The following TRNT1 variants were observed in gnomAD, a reference collection of about 807,000 sequenced individuals.
TRNT1 encodes CCA tRNA nucleotidyltransferase 1, mitochondrial.
TRNT1 carries 44 observed loss-of-function variants against 45.6 expected under a neutral mutation model. That is an observed-to-expected ratio of 0.97 (90% CI 0.76 to 1.24). The LOEUF (loss-of-function observed/expected upper bound fraction) is 1.24. TRNT1 is among the 50% of genes most tolerant of loss of function. The probability of loss-of-function intolerance (pLI) is 0.00; values close to 1 mark genes in which losing one functional copy is unlikely to be tolerated. For missense variants in TRNT1, 633 were observed against 504.4 expected (o/e 1.25, Z -2.44); for synonymous variants, 201 against 171.4 (o/e 1.17, Z -1.35).
At chr3:3,145,853 GAATT>G (rs1165358085) in intron 5 of TRNT1, among the ~76,000 whole-genome samples, 1 of 151,916 alleles carries the variant, frequency 6.6e-6, no homozygotes, top group African/African-American at 2.4e-5. Flanking sequence ...GACCGCTGAT[GAATT>G]CATTAGAATT....
downstream of TRNT1, chr3:3,150,596 A>AGAC: frequency 2.7e-6 from 1 of 371,434 alleles, no homozygotes; most frequent in Non-Finnish European, 5.1e-6. Flanking sequence ...ACATGCTACC[A>AGAC]GACATATCAG....
downstream of TRNT1, chr3:3,149,118 A>G (rs1009372317): frequency 1.3e-5 from 2 of 152,098 alleles, no homozygotes; most frequent in Non-Finnish European, 1.5e-5. Flanking sequence ...TTTGTACTCT[A>G]TGAGCAAATA....
chr3:3,147,698 A>G lies in TRNT1; in HGVS notation c.1051A>G (p.Ile351Val), dbSNP rs1417182640. 3 of 1,610,570 alleles carry G rather than the reference A, an allele frequency of 1.9e-6. No homozygotes were observed. The highest frequency in any genetic ancestry group is 2.5e-6 in the Non-Finnish European group (3 of 1,178,250). ...ATTGAAACCCTATCAAGACTTCATT[A>G]TAGATGTAAGTATATACTAGGCTTG... ...DPLKPYQDFI[I>V]DSREPDATTR... Residue 351 changes from isoleucine to valine, a missense_variant, in exon 7 of 8, where the codon ATA becomes GTA. Transcript: ENST00000251607.
At chr3:3,140,398 G>A in intron 3 of TRNT1, 112 bp from the exon 4 acceptor site, 1 of 989,608 alleles carries the variant, frequency 1.0e-6, no homozygotes, top group Non-Finnish European at 1.5e-6. Flanking sequence ...GACTATAACT[G>A]TCAGGGCTTA....
chr3:3,142,644 A>G (rs1300344072), intron 4 of TRNT1, among the ~76,000 whole-genome samples: 1 of 152,204 alleles, frequency 6.6e-6, no homozygotes. Context: ...AAGCATTCAT[A>G]GTTCTGGCAT....
At chr3:3,128,073 A>T (rs1704713376) in intron 1 of TRNT1, 1 of 152,152 alleles carries the variant, frequency 6.6e-6, no homozygotes, top group South Asian at 2.1e-4. Context: ...CAAGTGATTA[A>T]CTTCTTACCC....
chr3:3,147,694 C>T lies in TRNT1; in HGVS notation c.1047C>T (p.Phe349=), dbSNP rs62228638. The change falls in exon 7 of 8, where the codon TTC becomes TTT. Residue 349 remains phenylalanine (F), a synonymous_variant. Transcript: ENST00000251607. The stretch of plus-strand genomic sequence containing the variant: ...ACCCATTGAAACCCTATCAAGACTT[C>T]ATTATAGATGTAAGTATATACTAGG... ...SSDPLKPYQD[F]IIDSREPDAT... is the part of the protein sequence containing the mutation. 12 of 1,610,812 alleles carry T rather than the reference C, an allele frequency of 7.4e-6. No individual in the cohort carries two copies. The South Asian group carries it at 9.9e-5, about 13-fold the overall frequency.
chr3:3,140,235 C>T (rs1297848106), intron 3 of TRNT1, among the ~76,000 whole-genome samples: 1 of 152,100 alleles, frequency 6.6e-6, no homozygotes, highest in Non-Finnish European at 1.5e-5. Flanking sequence ...AGTTTCTCCA[C>T]ATCACTTGGC....
At chr3:3,136,473 A>G (rs1012902342) in intron 2 of TRNT1, among the ~76,000 whole-genome samples, 2 of 152,178 alleles carry the variant, frequency 1.3e-5, no homozygotes, top group Non-Finnish European at 2.9e-5. Flanking sequence ...TTTCTTGAAG[A>G]TTTTTAGCTA....
chr3:3,140,537 A>G lies in TRNT1; in HGVS notation c.370A>G (p.Thr124Ala). 1 of 1,614,120 alleles carries G rather than the reference A, an allele frequency of 6.2e-7. No individual in the cohort carries two copies. Among genetic ancestry groups the G allele is most frequent in the Non-Finnish European group, 8.5e-7 (1 of 1,180,004 alleles). The change falls in exon 4 of 8, where the codon ACA (threonine) becomes GCA (alanine). Residue 124 changes from threonine to alanine, a missense_variant. Physicochemically the swap from Thr to Ala is moderately conservative, Grantham distance 58 (BLOSUM62 0). Coordinates refer to ENST00000251607, the MANE Select transcript of TRNT1 (RefSeq NM_182916.3). ...RLHEENFEIT[T>A]LRIDVTTDGR... ...TCATGAAGAAAATTTTGAGATTACT[A>G]CACTACGGATTGATGTCACCACTGA...
chr3:3,130,253 A>G (rs932023865), intron 2 of TRNT1: 2 of 347,656 alleles, frequency 5.8e-6, no homozygotes, highest in Non-Finnish European at 1.1e-5. Context: ...CTCGGGTTCT[A>G]CCTGCAGCCT....
intron 1 of TRNT1, 163 bp downstream of exon 1, chr3:3,127,153 G>A (rs1183599121): frequency 6.6e-6 from 1 of 152,302 alleles, no homozygotes; most frequent in African/African-American, 2.4e-5. Flanking sequence ...TAGCCCCGAC[G>A]CGGAGGTCGT....
chr3:3,129,581 C>CA (rs1559213308), intron 2 of TRNT1: 8 of 452,654 alleles, frequency 1.8e-5, no homozygotes, highest in Non-Finnish European at 2.8e-5. Context: ...GACCCTGTCT[C>CA]AAAAAAAGAG....
chr3:3,143,761 G>A (rs1248501852), intron 4 of TRNT1, among the ~76,000 whole-genome samples: 2 of 152,144 alleles, frequency 1.3e-5, no homozygotes, highest in African/African-American at 4.8e-5. Flanking sequence ...CTACTTGGGA[G>A]GCTGAAGCAG....
downstream of TRNT1, chr3:3,149,712 A>G (rs564412488): frequency 2.1e-4 from 32 of 152,270 alleles, no homozygotes; most frequent in Non-Finnish European, 2.4e-4. Flanking sequence ...GATTGGAAGT[A>G]TTCTTGAATT....
chr3:3,144,747 T>A, intron 5 of TRNT1, 37 bp downstream of exon 5: 1 of 1,475,882 alleles, frequency 6.8e-7, no homozygotes, highest in Non-Finnish European at 9.1e-7. Context: ...ATAGTTTTAA[T>A]ATCATGACTA....
chr3:3,153,115 C>T (rs1160128122), downstream of TRNT1: 1 of 330,936 alleles, frequency 3.0e-6, no homozygotes, highest in Non-Finnish European at 5.7e-6. Context: ...ATTTCTGAAG[C>T]ATCTATGTTA....
intron 4 of TRNT1, among the ~76,000 whole-genome samples, chr3:3,142,981 G>C (rs953652683): frequency 2.0e-5 from 3 of 152,296 alleles, no homozygotes; most frequent in African/African-American, 7.2e-5. Context: ...AAAGAGTTAA[G>C]CATTAAGTGT....
intron 2 of TRNT1, chr3:3,129,637 A>T: frequency 1.8e-6 from 1 of 564,620 alleles, no homozygotes. Flanking sequence ...TGATCCAAAA[A>T]TATAGCTAAA....
Sources: allele counts gnomAD v4.1 joint callset (sites outside exome capture counted in the v4.1 genomes callset), GRCh38; gene constraint gnomAD v4.1.1; transcripts MANE v1.5; gene names NCBI Gene and HGNC (gene_info 2026-07-23, HGNC 2026-07-21).